The following C18orf63 variants were observed in gnomAD, a reference collection of about 807,000 sequenced individuals.
The protein encoded by C18orf63 is uncharacterized protein C18orf63.
C18orf63 carries 50 observed loss-of-function variants against 75.3 expected under a neutral mutation model. The observed-to-expected ratio is 0.66, with a 90% CI of 0.53 to 0.84. C18orf63 has a LOEUF of 0.84. C18orf63 is among the 40% of genes least tolerant of loss of function. C18orf63 has a pLI of 0.00. For missense variants in C18orf63, 732 were observed against 800.2 expected, an observed-to-expected ratio of 0.91 and a Z score of 1.03; for synonymous variants, 232 against 267.6, an observed-to-expected ratio of 0.87 and a Z score of 1.30.
Position 74,354,049 on chromosome 18 carries a change from A to C in C18orf63, c.1782A>C (p.Pro594=). Residue 594 remains proline, a synonymous_variant, in exon 12 of 14, where the codon CCA becomes CCC. Coordinates refer to ENST00000579455, the MANE Select transcript of C18orf63 (RefSeq NM_001174123.2). ...SHGSLKLKRQ[P]HIFESDGETE... The stretch of plus-strand genomic sequence containing the variant: ...GGTCACTAAAACTGAAAAGACAGCC[A>C]CACATTTTTGAATCAGATGGAGAAA... 1 of 1,536,386 alleles carries C rather than the reference A, an allele frequency of 6.5e-7. No individual in the cohort carries two copies. Among genetic ancestry groups the C allele is most frequent in the Non-Finnish European group, 8.7e-7 (1 of 1,146,936 alleles).
chr18:74,337,290 T>C (rs1984408356), intron 7 of C18orf63, among the ~76,000 whole-genome samples: 1 of 152,108 alleles, frequency 6.6e-6, no homozygotes, highest in East Asian at 1.9e-4. Context: ...TTGGAGTATA[T>C]GGTGAACAGC....
chr18:74,328,981 A>T lies in C18orf63; in HGVS notation c.383-14A>T. On this transcript the variant is annotated splice_polypyrimidine_tract_variant and intron_variant, in intron 5 of 13. Transcript: ENST00000579455. ...GAGTTGTAATAACATGGCATATTCTATGAATTTTTTAAGGAAGAGATTTTC... is the reference window on the plus strand; with the variant it reads ...GAGTTGTAATAACATGGCATATTCTTTGAATTTTTTAAGGAAGAGATTTTC... 1.4e-6 allele frequency: 2 copies of T among 1,438,910 alleles called. No homozygotes were observed. The highest frequency in any genetic ancestry group is 4.9e-5 in the East Asian group (2 of 40,460). The allele number at this position is 1,438,910 out of a possible 1,614,324, so 89.1% of individuals were successfully genotyped here.
In C18orf63 at chr18:74,358,073, C is replaced by A. The variant is rs2144449777; in HGVS notation, c.*1626C>A. 1 of 152,246 alleles carries A rather than the reference C, an allele frequency of 6.6e-6. No individual in the cohort carries two copies. The highest frequency in any genetic ancestry group is 1.9e-4 in the East Asian group (1 of 5,172). 9.4% of individuals were successfully genotyped at this position (152,246 alleles called of 1,614,324 possible). The stretch of plus-strand genomic sequence containing the variant: ...TTCCTGCTACTGCCCAGTCACTATG[C>A]CTCAGGTAATGGACACTTACTTTAT... On this transcript the variant is annotated 3_prime_UTR_variant, in exon 14 of 14. Transcript: ENST00000579455.
chr18:74,354,169 C>G lies in C18orf63; in HGVS notation c.1902C>G (p.His634Gln). 1 of 1,536,234 alleles carries G rather than the reference C, an allele frequency of 6.5e-7. No individual in the cohort carries two copies. Among genetic ancestry groups the G allele is most frequent in the Non-Finnish European group, 8.7e-7 (1 of 1,146,892 alleles). Reference protein sequence around the residue: ...DHRLIVSKIAHRSKRKLCPES... With the variant: ...DHRLIVSKIAQRSKRKLCPES... ...GGTTGATAGTAAGCAAAATAGCCCA[C>G]AGGTCTAAAAGAAAATTATGTCCAG... is the stretch of plus-strand genomic sequence containing the variant. The change falls in exon 12 of 14, where the codon CAC (histidine) becomes CAG (glutamine). Residue 634 changes from histidine (H) to glutamine (Q), a missense_variant. Transcript: ENST00000579455.
intron 11 of C18orf63, among the ~76,000 whole-genome samples, chr18:74,347,957 T>C (rs1269733615): frequency 6.6e-6 from 1 of 152,176 alleles, no homozygotes; most frequent in Non-Finnish European, 1.5e-5. Context: ...GTAAAGACTA[T>C]GGTGTACATT....
intron 11 of C18orf63, among the ~76,000 whole-genome samples, chr18:74,347,109 A>G (rs1984586749): frequency 6.6e-6 from 1 of 152,214 alleles, no homozygotes; most frequent in Non-Finnish European, 1.5e-5. Flanking sequence ...ATAATTTGGG[A>G]CAAGTTATTT....
intron 4 of C18orf63, among the ~76,000 whole-genome samples, chr18:74,323,408 C>G (rs972862415): frequency 1.3e-5 from 2 of 152,186 alleles, no homozygotes; most frequent in Non-Finnish European, 2.9e-5. Flanking sequence ...ATAACACTTT[C>G]CAGTTCCCTG....
intron 5 of C18orf63, among the ~76,000 whole-genome samples, chr18:74,328,286 A>G (rs1157688502): frequency 1.3e-5 from 2 of 152,196 alleles, no homozygotes; most frequent in African/African-American, 2.4e-5. Flanking sequence ...GCAAGAGAGC[A>G]TGCTCATGGG....
At chr18:74,321,882 A>G (rs1984129465) in intron 3 of C18orf63, among the ~76,000 whole-genome samples, 1 of 152,114 alleles carries the variant, frequency 6.6e-6, no homozygotes, top group South Asian at 2.1e-4. Context: ...CATACATACT[A>G]TTTTGAAACT....
Position 74,317,983 on chromosome 18 carries a change from CAAATG to C in C18orf63, c.121_125del (p.Met41AspfsTer34). 6.7e-7 allele frequency: 1 copy of C among 1,501,038 alleles called. No individual in the cohort carries two copies. The highest frequency in any genetic ancestry group is 8.9e-7 in the Non-Finnish European group (1 of 1,127,760). 93.0% of individuals were successfully genotyped at this position (1,501,038 alleles called of 1,614,324 possible). On this transcript the variant is annotated frameshift_variant, in exon 2 of 14. Coordinates refer to ENST00000579455, the MANE Select transcript of C18orf63 (RefSeq NM_001174123.2). LOFTEE classifies it high-confidence loss of function. ...GGCAGATACTGAGATTAGGACTATA[CAAATG>C]AAGATGTGCAGGTAAAAAAATACAT...
In C18orf63 at chr18:74,327,054, CAAG is replaced by C. The variant is rs1427681213; in HGVS notation, c.271-891_271-889del. 1.5e-3 allele frequency among the ~76,000 whole-genome samples: 235 copies of C among 152,164 alleles called. 1 individual carries two copies. The highest frequency in any genetic ancestry group is 5.3e-3 in the African/African-American group (221 of 41,516). Reference sequence around the variant, plus strand: ...GGCTGGAATGTAACAAAGAGCCCACCAAGAGTTTTGCCTAGGCTTTTCCTGGGC... The same window carrying C: ...GGCTGGAATGTAACAAAGAGCCCACCAGTTTTGCCTAGGCTTTTCCTGGGC... On this transcript the variant is annotated intron_variant, in intron 4 of 13. Transcript: ENST00000579455.
At chr18:74,327,861 C>A in intron 4 of C18orf63, 86 bp from the exon 5 acceptor site, 1 of 778,034 alleles carries the variant, frequency 1.3e-6, no homozygotes, top group Non-Finnish European at 2.1e-6. Context: ...GGGTGGTGAT[C>A]TAAATGGGCA....
intron 7 of C18orf63, among the ~76,000 whole-genome samples, chr18:74,332,077 T>C (rs1226841783): frequency 2.6e-5 from 4 of 152,008 alleles, no homozygotes; most frequent in Non-Finnish European, 5.9e-5. Context: ...ACCCTCATAC[T>C]CTCCTGTACC....
chr18:74,322,577 C>CT, intron 3 of C18orf63, 121 bp from the exon 4 acceptor site: 1 of 321,360 alleles, frequency 3.1e-6, no homozygotes, highest in Non-Finnish European at 5.6e-6. Context: ...GGCACAAACC[C>CT]TAATTGGATG....
At chr18:74,336,894 T>C (rs1212324674) in intron 7 of C18orf63, among the ~76,000 whole-genome samples, 3 of 152,118 alleles carry the variant, frequency 2.0e-5, no homozygotes, top group Non-Finnish European at 1.5e-5. Context: ...AGTTAGTCTT[T>C]AATAGCCTAC....
Position 74,317,839 on chromosome 18 carries a change from A to G in C18orf63, c.-27A>G. ...TTTGCTGTTTATTTTTAAAGGCCTGATTGCTGAGACACTCAGTCAGGAAAG... is the reference window on the plus strand; with the variant it reads ...TTTGCTGTTTATTTTTAAAGGCCTGGTTGCTGAGACACTCAGTCAGGAAAG... On this transcript the variant is annotated 5_prime_UTR_variant, in exon 2 of 14. Coordinates refer to ENST00000579455, the MANE Select transcript of C18orf63 (RefSeq NM_001174123.2). 6.6e-7 allele frequency: 1 copy of G among 1,507,124 alleles called. No homozygotes were observed. Among genetic ancestry groups the G allele is most frequent in the East Asian group, 2.5e-5 (1 of 40,408 alleles). 93.4% of individuals were successfully genotyped at this position (1,507,124 alleles called of 1,614,324 possible).
At chr18:74,341,481 A>G (rs997365142) in intron 8 of C18orf63, among the ~76,000 whole-genome samples, 5 of 152,104 alleles carry the variant, frequency 3.3e-5, no homozygotes, top group African/African-American at 1.2e-4. Flanking sequence ...CAGGATTGAG[A>G]CCAGCCTGGC....
chr18:74,331,547 T>C (rs1984307531), intron 7 of C18orf63, among the ~76,000 whole-genome samples: 1 of 152,192 alleles, frequency 6.6e-6, no homozygotes, highest in Non-Finnish European at 1.5e-5. Flanking sequence ...AATTTGGCAA[T>C]GTCTAGAGAC....
In C18orf63 at chr18:74,358,816, T is replaced by C. The variant is rs1473306478; in HGVS notation, c.*2369T>C. ...TGCAAAAGTGCTTCTCATATACTCA[T>C]ATATTAGGTTTCACAGTATTGGTTG... On this transcript the variant is annotated 3_prime_UTR_variant, in exon 14 of 14. Coordinates refer to ENST00000579455, the MANE Select transcript of C18orf63 (RefSeq NM_001174123.2). The C allele has an allele frequency of 2.0e-5, 3 of 152,172 alleles. No individual in the cohort carries two copies. The highest frequency in any genetic ancestry group is 7.2e-5 in the African/African-American group (3 of 41,452). 9.4% of individuals were successfully genotyped at this position (152,172 alleles called of 1,614,324 possible).
Sources: allele counts gnomAD v4.1 joint callset (sites outside exome capture counted in the v4.1 genomes callset), GRCh38; gene constraint gnomAD v4.1.1; transcripts MANE v1.5; gene names NCBI Gene and HGNC (gene_info 2026-07-23, HGNC 2026-07-21).